Variants in STRN observed in about 807,000 individuals in gnomAD.
STRN encodes the protein striatin, also known as protein phosphatase 2 regulatory subunit B'''alpha.
In STRN, 53 loss-of-function variants were observed where a neutral mutation model predicts 96.3. The observed-to-expected ratio is 0.55, with a 90% CI of 0.44 to 0.69. The LOEUF is 0.69. Ranked by LOEUF, STRN falls within the 30% of genes least tolerant of loss-of-function variation. The pLI is 0.00. For synonymous variants in STRN, 428 were observed against 355.9 expected (o/e 1.20, Z -2.28); for missense variants, 987 against 963.9 (o/e 1.02, Z -0.32).
intron 1 of STRN, among the ~76,000 whole-genome samples, chr2:36,940,836 CAAAAAAAAAAAAAAA>C (rs56996485): frequency 6.4e-5 from 3 of 46,572 alleles, no homozygotes; most frequent in South Asian, 6.2e-4. Context: ...GACTCTGTCT[CAAAAAAAAAAAAAAA>C]AAAAAAAAAA....
chr2:36,926,196 A>G (rs868153669), intron 1 of STRN, among the ~76,000 whole-genome samples: 13 of 152,246 alleles, frequency 8.5e-5, no homozygotes, highest in African/African-American at 3.1e-4. Context: ...TAAAGTCAGT[A>G]AAACAGAGGG....
rs1380094233 is a variant in STRN at position 36,839,467 on chromosome 2, A to AG, written c.*9988dup. On this transcript the variant is annotated 3_prime_UTR_variant, in exon 18 of 18. Coordinates refer to ENST00000263918, the MANE Select transcript of STRN (RefSeq NM_003162.4). Reference sequence around the variant, plus strand: ...CCCTGATGTTCTAGAAGCTATCAGGAGTGTGACCGAACTACATGACCAGAA... The same window carrying AG: ...CCCTGATGTTCTAGAAGCTATCAGGAGGTGTGACCGAACTACATGACCAGAA... 1.3e-5 allele frequency among the ~76,000 whole-genome samples: 2 copies of AG among 152,302 alleles called. No homozygotes were observed. Among genetic ancestry groups the AG allele is most frequent in the Middle Eastern group, 3.4e-3 (1 of 294 alleles).
intron 1 of STRN, among the ~76,000 whole-genome samples, chr2:36,932,438 A>G (rs561944894): frequency 7.2e-5 from 11 of 152,182 alleles, no homozygotes; most frequent in Middle Eastern, 3.2e-3. Context: ...TACACGCGTG[A>G]GCCACCGCAC....
At chr2:36,855,179 T>C in intron 15 of STRN, 33 bp downstream of exon 15, 3 of 1,602,290 alleles carry the variant, frequency 1.9e-6, no homozygotes, top group Non-Finnish European at 2.6e-6. Flanking sequence ...GTTAAAAAAA[T>C]AAACACAGAC....
intron 6 of STRN, 92 bp from the exon 7 acceptor site, chr2:36,894,125 G>T: frequency 7.0e-7 from 1 of 1,422,080 alleles, no homozygotes. Context: ...GAAAGTATAC[G>T]TTTGTTGTGT....
At chr2:36,855,564 T>A (rs1483862812) in intron 14 of STRN, among the ~76,000 whole-genome samples, 1 of 152,216 alleles carries the variant, frequency 6.6e-6, no homozygotes, top group African/African-American at 2.4e-5. Flanking sequence ...GCTTAGCAGA[T>A]CTTCTACCTG....
At position 36,966,484 on chromosome 2, in the gene STRN, G is replaced by T. The variant is rs535495726; in HGVS notation, c.-21C>A. On this transcript the variant is annotated 5_prime_UTR_variant, in exon 1 of 18. Coordinates refer to ENST00000263918, the MANE Select transcript of STRN (RefSeq NM_003162.4). ...TCCATGGCGGCCGCAGATACCCGGG[G>T]AGCTGCCCCGGCGCCCAGCAGCGGA... 14 of 1,412,586 alleles carry T rather than the reference G, an allele frequency of 9.9e-6. No individual in the cohort carries two copies. The East Asian group carries it at 4.0e-4, about 41-fold the overall frequency. The allele number at this position is 1,412,586 out of a possible 1,614,324, so 87.5% of individuals were successfully genotyped here.
chr2:36,857,281 C>T (rs780573876), intron 14 of STRN, among the ~76,000 whole-genome samples: 14 of 152,036 alleles, frequency 9.2e-5, no homozygotes, highest in Non-Finnish European at 1.9e-4. Flanking sequence ...ATCAGACTCA[C>T]TGAAATGTAT....
intron 13 of STRN, among the ~76,000 whole-genome samples, chr2:36,860,239 T>C (rs1033881069): frequency 2.0e-5 from 3 of 152,018 alleles, no homozygotes; most frequent in East Asian, 3.9e-4. Context: ...CAAAAGAAAC[T>C]AAAATGAATA....
At chr2:36,919,841 C>T (rs975930581) in intron 2 of STRN, among the ~76,000 whole-genome samples, 1 of 152,136 alleles carries the variant, frequency 6.6e-6, no homozygotes, top group Non-Finnish European at 1.5e-5. Flanking sequence ...GGTTCCTCAA[C>T]ATAGATGTTC....
In STRN at chr2:36,920,973, A is replaced by G. The variant is rs528552201; in HGVS notation, c.338+4132T>C. Among the ~76,000 whole-genome samples the G allele has an allele frequency of 7.9e-5, 12 of 151,390 alleles. No individual in the cohort carries two copies. In the East Asian group the frequency reaches 2.2e-3, roughly 27 times the overall value. ...GCCTGTAGTCCCAGCTACTCAGGAGACTGAGGCAAGAGAATGGCTTGAACC... is the reference window on the plus strand; with the variant it reads ...GCCTGTAGTCCCAGCTACTCAGGAGGCTGAGGCAAGAGAATGGCTTGAACC... On this transcript the variant is annotated intron_variant, in intron 2 of 17. Coordinates refer to ENST00000263918, the MANE Select transcript of STRN (RefSeq NM_003162.4).
chr2:36,943,374 C>G (rs996886860), intron 1 of STRN, among the ~76,000 whole-genome samples: 1 of 150,702 alleles, frequency 6.6e-6, no homozygotes, highest in African/African-American at 2.4e-5. Context: ...AAAATAAGTA[C>G]AGGGACTAGA....
Position 36,912,403 on chromosome 2 carries a change from T to A in STRN, c.412+3675A>T, listed in dbSNP as rs568282545. Among the ~76,000 whole-genome samples the A allele has an allele frequency of 5.3e-5, 8 of 152,352 alleles. No homozygotes were observed. In the East Asian group the frequency reaches 1.5e-3, roughly 29 times the overall value. On this transcript the variant is annotated intron_variant, in intron 3 of 17. Coordinates refer to ENST00000263918, the MANE Select transcript of STRN (RefSeq NM_003162.4). Reference sequence around the variant, plus strand: ...CTCACCTCTCTCCTTAAGTTCTCAGTGTCCCATGTGTCACAAAGTCCTACA... The same window carrying A: ...CTCACCTCTCTCCTTAAGTTCTCAGAGTCCCATGTGTCACAAAGTCCTACA...
intron 15 of STRN, among the ~76,000 whole-genome samples, chr2:36,853,249 GTTTA>G (rs1668264508): frequency 6.6e-6 from 1 of 152,170 alleles, no homozygotes; most frequent in African/African-American, 2.4e-5. Flanking sequence ...ACAAAGAGAT[GTTTA>G]TTTATAAAAT....
At chr2:36,932,402 G>A (rs1670598470) in intron 1 of STRN, among the ~76,000 whole-genome samples, 4 of 152,010 alleles carry the variant, frequency 2.6e-5, no homozygotes, top group Admixed American at 2.6e-4. Flanking sequence ...TGATCTGCCT[G>A]CCTCGGCCTC....
At position 36,841,728 on chromosome 2, in the gene STRN, A is replaced by G. The variant is rs1242163879; in HGVS notation, c.*7728T>C. 6.6e-6 allele frequency: 1 copy of G among 152,216 alleles called. No individual in the cohort carries two copies. The highest frequency in any genetic ancestry group is 2.1e-4 in the South Asian group (1 of 4,834). The allele number at this position is 152,216 out of a possible 1,614,324, so 9.4% of individuals were successfully genotyped here. On this transcript the variant is annotated 3_prime_UTR_variant, in exon 18 of 18. Coordinates refer to ENST00000263918, the MANE Select transcript of STRN (RefSeq NM_003162.4). The stretch of plus-strand genomic sequence containing the variant: ...TGGGCTTATATTTTTACAGCTTCCT[A>G]AAATATAATGAAAACTATTTCCTCT...
At chr2:36,964,975 C>G (rs1665123262) in intron 1 of STRN, among the ~76,000 whole-genome samples, 1 of 152,172 alleles carries the variant, frequency 6.6e-6, no homozygotes, top group Admixed American at 6.5e-5. Context: ...TCCTCAAGGT[C>G]ACAGAGCTAG....
At chr2:36,910,221 A>G (rs2148211081) in intron 3 of STRN, among the ~76,000 whole-genome samples, 1 of 152,246 alleles carries the variant, frequency 6.6e-6, no homozygotes, top group East Asian at 1.9e-4. Flanking sequence ...TAAGCTGCAA[A>G]AATTCATTAC....
chr2:36,951,829 G>A (rs905246114), intron 1 of STRN, among the ~76,000 whole-genome samples: 2 of 152,194 alleles, frequency 1.3e-5, no homozygotes, highest in East Asian at 3.9e-4. Flanking sequence ...ATGGGTCCAT[G>A]GCCTGTTAGG....
Sources: gnomAD v4.1 joint callset for allele counts (sites outside exome capture counted in the v4.1 genomes callset) on GRCh38, gnomAD v4.1.1 for gene constraint, MANE v1.5 for transcripts, NCBI Gene and HGNC (gene_info 2026-07-23, HGNC 2026-07-21) for gene names.